ACOT11: variants seen among roughly 807,000 people sequenced by gnomAD.
ACOT11 encodes acyl-CoA thioesterase 11, also known as acyl-coenzyme A thioesterase 11.
A neutral mutation model predicts 77.5 loss-of-function variants in ACOT11; 69 were observed. That is an observed-to-expected ratio of 0.89 (90% CI 0.73 to 1.09). The LOEUF (loss-of-function observed/expected upper bound fraction) is 1.09. Among genes scored for constraint, ACOT11 ranks in the 50% least tolerant of loss-of-function variants. The probability of loss-of-function intolerance (pLI) is 0.00; values close to 1 mark genes in which losing one functional copy is unlikely to be tolerated. For synonymous variants in ACOT11, 279 were observed against 313.0 expected, an observed-to-expected ratio of 0.89 and a Z score of 1.15; for missense variants, 766 against 813.7, an observed-to-expected ratio of 0.94 and a Z score of 0.71.
chr1:54,606,680 T>C (rs748897089), intron 13 of ACOT11, among the ~76,000 whole-genome samples: 1 of 152,224 alleles, frequency 6.6e-6, no homozygotes, highest in Non-Finnish European at 1.5e-5. Context: ...AAGTGACACA[T>C]GTAAAGCATT....
At chr1:54,573,366 TC>T in intron 1 of ACOT11, 3 of 376,934 alleles carry the variant, frequency 8.0e-6, no homozygotes, top group Non-Finnish European at 1.1e-5. Context: ...TGTTTCCCCA[TC>T]TGTAAAATGG....
intron 1 of ACOT11, among the ~76,000 whole-genome samples, chr1:54,554,864 A>T (rs1024173785): frequency 1.3e-5 from 2 of 152,232 alleles, no homozygotes; most frequent in African/African-American, 4.8e-5. Flanking sequence ...ACTGTTTTCC[A>T]TAATGGCTGT....
chr1:54,620,389 A>AC (rs763966690), intron 15 of ACOT11, among the ~76,000 whole-genome samples: 128 of 152,362 alleles, frequency 8.4e-4, no homozygotes, highest in Admixed American at 1.1e-3. Context: ...TAGAGATGGA[A>AC]CATAAAAGTG....
chr1:54,561,638 G>GC (rs1653491382), intron 1 of ACOT11, among the ~76,000 whole-genome samples: 1 of 134,462 alleles, frequency 7.4e-6, no homozygotes, highest in African/African-American at 2.9e-5. Context: ...AGACAGGGTG[G>GC]TGGCCGGGCA....
intron 1 of ACOT11, among the ~76,000 whole-genome samples, chr1:54,562,130 C>T (rs1177999952): frequency 1.6e-5 from 1 of 63,554 alleles, no homozygotes; most frequent in African/African-American, 1.3e-4. Flanking sequence ...GGCGGCTGGC[C>T]GGGCAGAGGG....
chr1:54,594,609 T>A lies in ACOT11; in HGVS notation c.525T>A (p.Ser175Arg). ...PRTEEEKMEH[S>R]VAAERRRMRL... ...CAGAAGAGGAGAAGATGGAGCACAG[T>A]GTGGCGGCTGAGCGCCGGCGCATGC... Residue 175 changes from serine to arginine, a missense_variant, in exon 6 of 16, where the codon AGT becomes AGA. Transcript: ENST00000343744. The A allele has an allele frequency of 6.2e-7, 1 of 1,614,028 alleles. No homozygotes were observed. Among genetic ancestry groups the A allele is most frequent in the Non-Finnish European group, 8.5e-7 (1 of 1,179,984 alleles).
At chr1:54,619,713 T>C in intron 15 of ACOT11, 1 of 756,148 alleles carries the variant, frequency 1.3e-6, no homozygotes, top group Non-Finnish European at 2.1e-6. Flanking sequence ...AGCTGGTCAC[T>C]TAACCCCTCT....
rs1654415588 is a variant in ACOT11, at chr1:54,584,123, A to G, written c.34-532A>G. ...CTCCCAGTCAATAGATCCAAGTGCT[A>G]GACATTAGCGGGCCACAGAGGCTGT... is the stretch of plus-strand genomic sequence containing the variant. On this transcript the variant is annotated intron_variant, in intron 1 of 15. Coordinates refer to ENST00000343744, the MANE Select transcript of ACOT11 (RefSeq NM_147161.4). This position sits in a 1 kb window ranked among gnomAD's most constrained non-coding sequence, Gnocchi z 6.3. 6.6e-6 allele frequency among the ~76,000 whole-genome samples: 1 copy of G among 152,146 alleles called. No homozygotes were observed. Among genetic ancestry groups the G allele is most frequent in the Non-Finnish European group, 1.5e-5 (1 of 68,006 alleles).
In ACOT11 at chr1:54,554,351, A is replaced by ATTT. The variant is rs35047110; in HGVS notation, c.33+6025_33+6027dup. ...TGTGTGTGTATATATATATATATAT[A>ATTT]TTTTTTTTTTTTTTTTTTGAGATGG... On this transcript the variant is annotated intron_variant, in intron 1 of 15. Transcript: ENST00000343744. Among the ~76,000 whole-genome samples the ATTT allele has an allele frequency of 6.3e-3, 617 of 97,208 alleles. 16 individuals carry two copies. Among genetic ancestry groups the ATTT allele is most frequent in the Middle Eastern group, 0.012 (2 of 172 alleles). 63.8% of individuals were successfully genotyped at this position (97,208 alleles called of 152,430 possible). A position where few individuals can be genotyped will look rare whatever the true frequency, so the allele number is the denominator to read the frequency against.
chr1:54,580,427 C>G (rs1197707378), intron 1 of ACOT11, among the ~76,000 whole-genome samples: 1 of 152,158 alleles, frequency 6.6e-6, no homozygotes, highest in African/African-American at 2.4e-5. Context: ...CCCCCAAGCC[C>G]CTCTTCCTCT....
At chr1:54,590,767 T>C (rs575113047) in intron 3 of ACOT11, among the ~76,000 whole-genome samples, 1 of 152,280 alleles carries the variant, frequency 6.6e-6, no homozygotes, top group Non-Finnish European at 1.5e-5. Context: ...CTTTTTTTCT[T>C]GTTAAGAGAC....
chr1:54,609,401 T>G lies in ACOT11; in HGVS notation c.*289T>G, dbSNP rs761473627. On this transcript the variant is annotated 3_prime_UTR_variant, in exon 16 of 16. Transcript: ENST00000343744. ...AGAGGCATAGTCGCCCCCAGCTGGG[T>G]TGTGCTCCACTGTGACGGTGGCCCG... The G allele has an allele frequency of 6.2e-7, 1 of 1,614,016 alleles. No homozygotes were observed. Among genetic ancestry groups the G allele is most frequent in the Non-Finnish European group, 8.5e-7 (1 of 1,180,004 alleles).
intron 15 of ACOT11, chr1:54,619,798 A>G: frequency 6.5e-7 from 1 of 1,537,272 alleles, no homozygotes; most frequent in Non-Finnish European, 8.9e-7. Flanking sequence ...TCTGATCCTC[A>G]CTTCTCTCCC....
In ACOT11 at chr1:54,585,827, G is replaced by C. The variant is rs778897489; in HGVS notation, c.242-8G>C. On this transcript the variant is annotated splice_polypyrimidine_tract_variant and splice_region_variant and intron_variant, in intron 2 of 15. Transcript: ENST00000343744. Reference sequence around the variant, plus strand: ...TGCTAATGTCTGGCTTTCTTCTGCTGACACCAGCGGAGAGGCACGCTGGCT... The same window carrying C: ...TGCTAATGTCTGGCTTTCTTCTGCTCACACCAGCGGAGAGGCACGCTGGCT... The C allele has an allele frequency of 6.2e-7, 1 of 1,613,976 alleles. No individual in the cohort carries two copies. The highest frequency in any genetic ancestry group is 1.1e-5 in the South Asian group (1 of 91,074).
chr1:54,601,052 G>A (rs530659151), intron 8 of ACOT11, among the ~76,000 whole-genome samples: 1 of 152,204 alleles, frequency 6.6e-6, no homozygotes, highest in African/African-American at 2.4e-5. Flanking sequence ...CCACGTTGCT[G>A]GAAGAACTGC....
chr1:54,614,337 G>A (rs1265161391), downstream of ACOT11, among the ~76,000 whole-genome samples: 1 of 152,158 alleles, frequency 6.6e-6, no homozygotes, highest in East Asian at 1.9e-4. Flanking sequence ...GGGGCACTTG[G>A]CCCTGTCTGC....
intron 1 of ACOT11, among the ~76,000 whole-genome samples, chr1:54,569,362 C>G (rs1653856130): frequency 6.6e-6 from 1 of 152,136 alleles, no homozygotes; most frequent in African/African-American, 2.4e-5. Context: ...CTTTACTAGG[C>G]CTCTTTCTGT....
At chr1:54,576,416 G>C (rs1414446244) in intron 1 of ACOT11, among the ~76,000 whole-genome samples, 1 of 150,642 alleles carries the variant, frequency 6.6e-6, no homozygotes, top group Non-Finnish European at 1.5e-5. Context: ...AGGATCACTG[G>C]AGCCTGGGAG....
At chr1:54,603,978 C>G in intron 11 of ACOT11, 41 bp downstream of exon 11, 1 of 1,587,700 alleles carries the variant, frequency 6.3e-7, no homozygotes, top group Non-Finnish European at 8.6e-7. Context: ...TCAGACCCAC[C>G]GGGCCCCCAC....
Sources: allele counts gnomAD v4.1 joint callset (sites outside exome capture counted in the v4.1 genomes callset), GRCh38; gene constraint gnomAD v4.1.1; non-coding constraint Gnocchi (gnomAD v3.1); transcripts MANE v1.5; gene names NCBI Gene and HGNC (gene_info 2026-07-23, HGNC 2026-07-21).